ADTRP: variants seen among roughly 807,000 people sequenced by gnomAD.
ADTRP encodes androgen-dependent TFPI-regulating protein.
Under a neutral mutation model 27.0 loss-of-function variants are expected in ADTRP, and 20 were observed. The ratio of observed to expected loss-of-function variants is 0.74; its 90% CI spans 0.52 to 1.08. The LOEUF (loss-of-function observed/expected upper bound fraction) is 1.08, where lower values mean the gene tolerates loss of function less well. ADTRP is among the 50% of genes least tolerant of loss of function. The probability of loss-of-function intolerance (pLI) is 0.00; values close to 1 mark genes in which losing one functional copy is unlikely to be tolerated. For synonymous variants in ADTRP, 101 were observed against 105.2 expected, an observed-to-expected ratio of 0.96 and a Z score of 0.25; for missense variants, 251 against 275.0, an observed-to-expected ratio of 0.91 and a Z score of 0.62.
At chr6:11,772,273 T>C (rs911196094) in intron 1 of ADTRP, among the ~76,000 whole-genome samples, 1 of 152,238 alleles carries the variant, frequency 6.6e-6, no homozygotes, top group African/African-American at 2.4e-5. Context: ...TTTGTTTCTG[T>C]TGCTAGCTGA....
At chr6:11,741,023 G>A (rs1334981920) in intron 3 of ADTRP, among the ~76,000 whole-genome samples, 1 of 152,068 alleles carries the variant, frequency 6.6e-6, no homozygotes, top group Non-Finnish European at 1.5e-5. Flanking sequence ...CTACTTTCTA[G>A]GAACTCAAGT....
At chr6:11,746,022 C>T (rs1294603016) in intron 3 of ADTRP, among the ~76,000 whole-genome samples, 1 of 152,170 alleles carries the variant, frequency 6.6e-6, no homozygotes, top group African/African-American at 2.4e-5. Context: ...AACTCCTGAC[C>T]TCAAGTGATC....
At chr6:11,755,821 T>G (rs1038612080) in intron 3 of ADTRP, among the ~76,000 whole-genome samples, 6 of 152,120 alleles carry the variant, frequency 3.9e-5, no homozygotes, top group African/African-American at 1.4e-4. Context: ...TCCAAGTAAA[T>G]ATCTGGGTGT....
intron 1 of ADTRP, among the ~76,000 whole-genome samples, chr6:11,777,742 T>A: frequency 6.6e-6 from 1 of 152,144 alleles, no homozygotes; most frequent in East Asian, 1.9e-4. Context: ...CCTTAGCATT[T>A]CAGAGTGTCA....
At chr6:11,776,316 G>A (rs563189080) in intron 1 of ADTRP, among the ~76,000 whole-genome samples, 3 of 152,292 alleles carry the variant, frequency 2.0e-5, no homozygotes, top group African/African-American at 4.8e-5. Context: ...CTGAGGTCAC[G>A]TCAACGTACC....
intron 1 of ADTRP, among the ~76,000 whole-genome samples, chr6:11,773,680 T>A (rs34937927): frequency 0.047 from 7,163 of 152,008 alleles, 186 homozygotes; most frequent in Middle Eastern, 0.075. Context: ...GCTGGGGAGG[T>A]ATGAGGATCT....
intron 3 of ADTRP, among the ~76,000 whole-genome samples, chr6:11,738,848 A>G (rs1161311903): frequency 6.6e-6 from 1 of 152,190 alleles, no homozygotes; most frequent in Non-Finnish European, 1.5e-5. Context: ...ACTTCATCCT[A>G]GCTAAAAGGT....
Position 11,713,940 on chromosome 6 carries a change from T to C in ADTRP, c.*538A>G, listed in dbSNP as rs1321730838. On this transcript the variant is annotated 3_prime_UTR_variant, in exon 6 of 6. Coordinates refer to ENST00000414691, the MANE Select transcript of ADTRP (RefSeq NM_032744.4). Reference sequence around the variant, plus strand: ...TGAGCAACCCATGAAAATAACTAGCTTACTGAAATGCTTGTCTTTTAAAGA... The same window carrying C: ...TGAGCAACCCATGAAAATAACTAGCCTACTGAAATGCTTGTCTTTTAAAGA... 2 of 151,768 alleles carry C rather than the reference T, an allele frequency of 1.3e-5. No individual in the cohort carries two copies. The highest frequency in any genetic ancestry group is 3.9e-4 in the East Asian group (2 of 5,148). 9.4% of individuals were successfully genotyped at this position (151,768 alleles called of 1,614,324 possible). A position where few individuals can be genotyped will look rare whatever the true frequency, so the allele number is the denominator to read the frequency against.
intron 3 of ADTRP, among the ~76,000 whole-genome samples, chr6:11,747,166 G>A (rs1475880293): frequency 1.3e-5 from 2 of 152,148 alleles, no homozygotes; most frequent in Non-Finnish European, 2.9e-5. Flanking sequence ...GTCTTCTCAG[G>A]AAAAACTGAA....
intron 5 of ADTRP, among the ~76,000 whole-genome samples, chr6:11,722,643 G>A (rs1226383425): frequency 6.6e-6 from 1 of 152,078 alleles, no homozygotes; most frequent in Non-Finnish European, 1.5e-5. Context: ...TCTGGGGTGG[G>A]GTGGGGAGAG....
intron 3 of ADTRP, among the ~76,000 whole-genome samples, chr6:11,758,840 C>A (rs1354413259): frequency 2.6e-5 from 4 of 152,078 alleles, no homozygotes; most frequent in Non-Finnish European, 4.4e-5. Context: ...GGCATTGATT[C>A]TGGCTGCAAA....
intron 3 of ADTRP, among the ~76,000 whole-genome samples, chr6:11,743,961 A>C (rs561846035): frequency 6.6e-5 from 10 of 152,316 alleles, no homozygotes; most frequent in African/African-American, 1.2e-4. Context: ...GTTGGGAGTC[A>C]ATACACTTGG....
At chr6:11,755,652 T>C (rs945367782) in intron 3 of ADTRP, among the ~76,000 whole-genome samples, 1 of 152,248 alleles carries the variant, frequency 6.6e-6, no homozygotes, top group South Asian at 2.1e-4. Flanking sequence ...AGGCACTCAG[T>C]GTCTCAGTGT....
At chr6:11,772,629 G>T (rs767378842) in intron 1 of ADTRP, among the ~76,000 whole-genome samples, 7 of 152,214 alleles carry the variant, frequency 4.6e-5, no homozygotes. Context: ...GACTCAGCCA[G>T]GCGGGACTTT....
Position 11,761,810 on chromosome 6 carries a change from A to G in ADTRP, c.390+4464T>C, listed in dbSNP as rs898189106. 2.0e-5 allele frequency among the ~76,000 whole-genome samples: 3 copies of G among 152,324 alleles called. No homozygotes were observed. In the East Asian group the frequency reaches 5.8e-4, roughly 29 times the overall value. On this transcript the variant is annotated intron_variant, in intron 3 of 5. Transcript: ENST00000414691. Reference sequence around the variant, plus strand: ...TTTATGGGTATTTGTATTTTCCTGGAAAAACAGTCTATAGATATTTTCAGG... The same window carrying G: ...TTTATGGGTATTTGTATTTTCCTGGGAAAACAGTCTATAGATATTTTCAGG...
intron 3 of ADTRP, among the ~76,000 whole-genome samples, chr6:11,760,488 GA>G (rs1221327371): frequency 6.6e-6 from 1 of 152,124 alleles, no homozygotes; most frequent in Non-Finnish European, 1.5e-5. Flanking sequence ...CTCCTTTGTT[GA>G]ATCTCCCTCC....
intron 4 of ADTRP, among the ~76,000 whole-genome samples, chr6:11,729,033 T>C (rs1762303372): frequency 6.6e-6 from 1 of 152,210 alleles, no homozygotes; most frequent in South Asian, 2.1e-4. Flanking sequence ...CAAAAATTAA[T>C]CTTTTAGGGT....
At chr6:11,727,609 G>A (rs897350519) in intron 4 of ADTRP, among the ~76,000 whole-genome samples, 1 of 152,108 alleles carries the variant, frequency 6.6e-6, no homozygotes, top group Non-Finnish European at 1.5e-5. Flanking sequence ...TCCCCCCAGA[G>A]GCTTGGAAAA....
Position 11,778,670 on chromosome 6 carries a change from G to A in ADTRP, c.90C>T (p.Asp30=), listed in dbSNP as rs200871141. The A allele has an allele frequency of 5.6e-6, 9 of 1,614,138 alleles. No individual in the cohort carries two copies. Among genetic ancestry groups the A allele is most frequent in the African/African-American group, 1.3e-5 (1 of 75,016 alleles). The stretch of plus-strand genomic sequence containing the variant: ...TTGCCAAGATTTTGGGTTTCACCTC[G>A]TCTTTTCCTTCCTGTGAGATGTAAT... ...LNYYISQEGK[D]EVKPKILANG... Residue 30 remains aspartate (D), a synonymous_variant, in exon 1 of 6, where the codon GAC becomes GAT. Transcript: ENST00000414691.
Sources: allele counts gnomAD v4.1 joint callset (sites outside exome capture counted in the v4.1 genomes callset), GRCh38; gene constraint gnomAD v4.1.1; transcripts MANE v1.5; gene names NCBI Gene and HGNC (gene_info 2026-07-23, HGNC 2026-07-21).